The following DNAH10 variants were observed in gnomAD, a reference collection of about 807,000 sequenced individuals.
DNAH10 encodes axonemal beta dynein heavy chain 10.
Under a neutral mutation model 506.6 loss-of-function variants are expected in DNAH10, and 348 were observed. That is an observed-to-expected ratio of 0.69 (90% CI 0.63 to 0.75). The LOEUF (loss-of-function observed/expected upper bound fraction) is 0.75. Ranked by LOEUF, DNAH10 falls within the 30% of genes least tolerant of loss-of-function variation. DNAH10 has a pLI of 0.00. For missense variants in DNAH10, 5,179 were observed against 5,787.1 expected (o/e 0.89, Z 3.41); for synonymous variants, 2,059 against 2,198.6 (o/e 0.94, Z 1.78).
Position 123,801,322 on chromosome 12 carries a change from T to C in DNAH10, c.2504T>C (p.Met835Thr). 1.2e-6 allele frequency: 2 copies of C among 1,614,176 alleles called. No individual in the cohort carries two copies. The highest frequency in any genetic ancestry group is 2.2e-5 in the East Asian group (1 of 44,874). The change falls in exon 16 of 79, where the codon ATG becomes ACG. Residue 835 changes from methionine (M) to threonine (T), a missense_variant. Around this residue, in one of 3 missense-constraint regions of DNAH10, gnomAD observed 4,844 missense variants for 5,430.5 expected, o/e 0.89. Coordinates refer to ENST00000673944, the MANE Select transcript of DNAH10 (RefSeq NM_001372106.1). ...CAGCGCATGTTGGATCATTATCACA[T>C]GCTCATAGGAACGTTAAACGATGCG... The part of the protein sequence containing the change: ...GIQRMLDHYH[M>T]LIGTLNDAES...
intron 21 of DNAH10, among the ~76,000 whole-genome samples, chr12:123,817,081 C>T (rs1247789314): frequency 7.0e-6 from 1 of 143,710 alleles, no homozygotes; most frequent in Non-Finnish European, 1.5e-5. Flanking sequence ...TGCTCCCTTT[C>T]AAGGTAGTCC....
rs562823208 is a variant in DNAH10, at chr12:123,933,418, C to T, written c.13384C>T (p.Arg4462Trp). Residue 4462 changes from arginine (R) to tryptophan (W), a missense_variant, in exon 77 of 79, where the codon CGG becomes TGG. Around this residue, in one of 3 missense-constraint regions of DNAH10, gnomAD observed 4,844 missense variants for 5,430.5 expected, o/e 0.89. Coordinates refer to ENST00000673944, the MANE Select transcript of DNAH10 (RefSeq NM_001372106.1). ...YLTALVQATC[R>W]KNGWPLDRST... ...CACGGCGCTGGTGCAGGCCACCTGC[C>T]GGAAGAACGGCTGGCCACTGGACCG... 311 of 1,612,540 alleles carry T rather than the reference C, an allele frequency of 1.9e-4. 6 individuals carry two copies. The South Asian group carries it at 2.6e-3, about 14-fold the overall frequency.
intron 43 of DNAH10, 143 bp from the exon 44 acceptor site, chr12:123,870,223 G>A: frequency 1.9e-6 from 2 of 1,072,112 alleles, no homozygotes; most frequent in Non-Finnish European, 2.7e-6. Flanking sequence ...CTCGGTATCT[G>A]TCCAGTGAAG....
Position 123,810,685 on chromosome 12 carries a change from T to C in DNAH10, c.3144+1732T>C, listed in dbSNP as rs962158470. On this transcript the variant is annotated intron_variant, in intron 19 of 78. Transcript: ENST00000673944. ...TCCAGCCTGGGCGACAGGGTGAGAC[T>C]CCGTCTCAAAAAAAAAAAATGTTGA... Among the ~76,000 whole-genome samples, 12 of 151,728 alleles carry C rather than the reference T, an allele frequency of 7.9e-5. 1 individual carries two copies. The highest frequency in any genetic ancestry group is 1.5e-5 in the Non-Finnish European group (1 of 67,968).
intron 5 of DNAH10, among the ~76,000 whole-genome samples, chr12:123,778,806 C>T (rs983363805): frequency 7.9e-5 from 12 of 152,200 alleles, no homozygotes; most frequent in African/African-American, 2.4e-4. Context: ...GGCACAATCA[C>T]ATCTCACTGC....
Position 123,926,391 on chromosome 12 carries a change from A to G in DNAH10, c.11922-246A>G. The G allele has an allele frequency of 4.2e-6, 2 of 477,670 alleles. No homozygotes were observed. The highest frequency in any genetic ancestry group is 1.0e-3 in the Middle Eastern group (2 of 1,916). 29.6% of individuals were successfully genotyped at this position (477,670 alleles called of 1,614,324 possible). A position where few individuals can be genotyped will look rare whatever the true frequency, so the allele number is the denominator to read the frequency against. ...GAGGGCAAGCTGAGGTGCCCAGCTC[A>G]GCACAAACCAACTGAATCGAGTGTG... On this transcript the variant is annotated intron_variant, in intron 68 of 78. Transcript: ENST00000673944. This position sits in a 1 kb window ranked among gnomAD's most constrained non-coding sequence, Gnocchi z 4.1.
At chr12:123,793,521 G>C (rs1032190528) in intron 11 of DNAH10, among the ~76,000 whole-genome samples, 1 of 151,982 alleles carries the variant, frequency 6.6e-6, no homozygotes. Flanking sequence ...TGTATTGTTA[G>C]TAGAGACGGG....
intron 44 of DNAH10, 54 bp downstream of exon 44, chr12:123,870,539 C>A: frequency 6.3e-7 from 1 of 1,577,844 alleles, no homozygotes; most frequent in South Asian, 1.1e-5. Flanking sequence ...GATACTCGCT[C>A]TAGGAGGAGG....
intron 47 of DNAH10, 34 bp downstream of exon 47, chr12:123,875,525 A>G (rs763765140): frequency 5.6e-6 from 9 of 1,610,780 alleles, no homozygotes; most frequent in Non-Finnish European, 5.9e-6. Context: ...CTAAACCGGA[A>G]GACCTTGTGT....
At chr12:123,934,189 C>G (rs552839988) in intron 77 of DNAH10, 7 of 700,624 alleles carry the variant, frequency 1.0e-5, no homozygotes, top group African/African-American at 3.5e-5. Context: ...TCCTCCTCCC[C>G]GGAGACCACT....
intron 27 of DNAH10, among the ~76,000 whole-genome samples, chr12:123,834,823 G>C (rs1222835687): frequency 1.3e-5 from 2 of 152,202 alleles, no homozygotes; most frequent in African/African-American, 4.8e-5. Flanking sequence ...ATGTTTTCCA[G>C]GTTCTTCCAT....
At chr12:123,858,412 G>A (rs1010522357) in intron 37 of DNAH10, among the ~76,000 whole-genome samples, 5 of 152,142 alleles carry the variant, frequency 3.3e-5, no homozygotes, top group South Asian at 2.1e-4. Flanking sequence ...GGCCGTGGAC[G>A]AGAGCTTTCT....
chr12:123,812,381 G>A (rs1958975227), intron 19 of DNAH10, among the ~76,000 whole-genome samples: 1 of 152,130 alleles, frequency 6.6e-6, no homozygotes, highest in Non-Finnish European at 1.5e-5. Context: ...AACCCAGGAG[G>A]CAGAGCTTGC....
At chr12:123,856,966 A>G (rs1951417297) in intron 36 of DNAH10, 90 bp from the exon 37 acceptor site, 10 of 863,304 alleles carry the variant, frequency 1.2e-5, no homozygotes, top group East Asian at 3.0e-5. Flanking sequence ...TTTATATTTC[A>G]TAAGAGTGTT....
In DNAH10 at chr12:123,870,618, G is replaced by A. The variant is rs1951992025; in HGVS notation, c.7639+133G>A. The stretch of plus-strand genomic sequence containing the variant: ...AGAGAGCTGGTAGAGAAGAATTGAA[G>A]AGGGTGAGCTGTGGGCCCTCCTGGG... On this transcript the variant is annotated intron_variant, in intron 44 of 78. Coordinates refer to ENST00000673944, the MANE Select transcript of DNAH10 (RefSeq NM_001372106.1). 10 of 1,334,580 alleles carry A rather than the reference G, an allele frequency of 7.5e-6. No individual in the cohort carries two copies. In the African/African-American group the frequency reaches 1.0e-4, roughly 14 times the overall value. 82.7% of individuals were successfully genotyped at this position (1,334,580 alleles called of 1,614,324 possible).
intron 41 of DNAH10, among the ~76,000 whole-genome samples, chr12:123,867,136 G>T (rs529895571): frequency 1.3e-5 from 2 of 152,298 alleles, no homozygotes; most frequent in African/African-American, 2.4e-5. Context: ...CTGCTTTACA[G>T]TCTTTTCTGG....
chr12:123,835,958 T>G (rs1438317486), intron 28 of DNAH10, among the ~76,000 whole-genome samples: 6 of 152,232 alleles, frequency 3.9e-5, no homozygotes, highest in African/African-American at 1.4e-4. Context: ...GTGTCATTAT[T>G]TATGACCCTA....
At chr12:123,900,063 C>G (rs1406500031) in intron 56 of DNAH10, among the ~76,000 whole-genome samples, 1 of 152,208 alleles carries the variant, frequency 6.6e-6, no homozygotes, top group Non-Finnish European at 1.5e-5. Context: ...ATCACTTCTT[C>G]ATGCCTGTGT....
chr12:123,868,317 C>T (rs1270740533), intron 43 of DNAH10, among the ~76,000 whole-genome samples, 198 bp downstream of exon 43: 3 of 152,192 alleles, frequency 2.0e-5, no homozygotes, highest in Non-Finnish European at 4.4e-5. Context: ...GTGACAGAAG[C>T]CCAGGCCCTC....
Sources: gnomAD v4.1 joint callset for allele counts (sites outside exome capture counted in the v4.1 genomes callset) on GRCh38, gnomAD v4.1.1 for gene constraint, gnomAD v4.1.1 regional missense constraint, Gnocchi (gnomAD v3.1) non-coding constraint, MANE v1.5 for transcripts, NCBI Gene and HGNC (gene_info 2026-07-23, HGNC 2026-07-21) for gene names.